RAD21: variants seen among roughly 807,000 people sequenced by gnomAD.
RAD21 encodes RAD21 cohesin complex component.
In RAD21, 18 loss-of-function variants were observed where a neutral mutation model predicts 71.5. The observed-to-expected ratio is 0.25, with a 90% CI of 0.17 to 0.37. The LOEUF is 0.37. Among genes scored for constraint, RAD21 ranks in the 10% least tolerant of loss-of-function variants. RAD21 has a pLI of 1.00. For missense variants in RAD21, 493 were observed against 769.1 expected (o/e 0.64, Z 4.25); for synonymous variants, 248 against 254.0 (o/e 0.98, Z 0.22).
At chr8:116,863,710 T>C (rs904154981) in intron 2 of RAD21, among the ~76,000 whole-genome samples, 1 of 151,896 alleles carries the variant, frequency 6.6e-6, no homozygotes, top group Non-Finnish European at 1.5e-5. Flanking sequence ...GAGAAAGATT[T>C]CCCCCCCAAA....
rs540398474 is a variant in RAD21 at position 116,848,814 on chromosome 8, T to G, written c.1704+132A>C. 1.6e-5 allele frequency: 8 copies of G among 509,160 alleles called. No homozygotes were observed. In the South Asian group the frequency reaches 4.0e-4, roughly 26 times the overall value. The allele number at this position is 509,160 out of a possible 1,614,324, so 31.5% of individuals were successfully genotyped here. ...CCTCCAGAAAAAATAAATAAATAAATAAAAATGTAGTTTTGGAAAAAGTTT... is the reference window on the plus strand; with the variant it reads ...CCTCCAGAAAAAATAAATAAATAAAGAAAAATGTAGTTTTGGAAAAAGTTT... On this transcript the variant is annotated intron_variant, in intron 13 of 13. Transcript: ENST00000297338.
Position 116,850,727 on chromosome 8 carries a change from A to G in RAD21, c.1511T>C (p.Leu504Pro). The G allele has an allele frequency of 1.9e-6, 3 of 1,613,258 alleles. No individual in the cohort carries two copies. Among genetic ancestry groups the G allele is most frequent in the Non-Finnish European group, 2.5e-6 (3 of 1,179,328 alleles). ...GATATTTGGAGGTTCTTCTGGGGGA[A>G]GCTCTACAGGTGGTATTTCCATCTG... ...VEQMEIPPVE[L>P]PPEEPPNICQ... Residue 504 changes from leucine (L) to proline (P), a missense_variant, in exon 12 of 14, where the codon CTT becomes CCT. Leu to Pro is a moderately conservative substitution (Grantham distance 98). Transcript: ENST00000297338.
chr8:116,864,863 A>C (rs1046266566), intron 2 of RAD21, among the ~76,000 whole-genome samples: 3 of 152,240 alleles, frequency 2.0e-5, no homozygotes, highest in Admixed American at 1.3e-4. Flanking sequence ...AAATATAATA[A>C]AGATTCCAGG....
At chr8:116,857,188 A>G in intron 6 of RAD21, 79 bp downstream of exon 6, 1 of 1,256,784 alleles carries the variant, frequency 8.0e-7, no homozygotes, top group Non-Finnish European at 1.1e-6. Context: ...CAAGACTCAG[A>G]ATTAGCAACT....
chr8:116,856,346 T>C lies in RAD21; in HGVS notation c.815-58A>G, dbSNP rs1563690127. ...AAAAAGCTTTGGTATATAACATATATCCCACAAATGGGGAGGAGAAAAATC... is the reference window on the plus strand; with the variant it reads ...AAAAAGCTTTGGTATATAACATATACCCCACAAATGGGGAGGAGAAAAATC... On this transcript the variant is annotated intron_variant, in intron 7 of 13. Transcript: ENST00000297338. 7 of 1,344,668 alleles carry C rather than the reference T, an allele frequency of 5.2e-6. 1 individual carries two copies. In the South Asian group the frequency reaches 5.7e-5, roughly 11 times the overall value. 83.3% of individuals were successfully genotyped at this position (1,344,668 alleles called of 1,614,324 possible).
In RAD21 at chr8:116,861,825, A is replaced by T; in HGVS notation, c.374+16T>A. On this transcript the variant is annotated intron_variant, in intron 4 of 13. Transcript: ENST00000297338. ...GCAGACCAAGTCAACAATTTTTTTTAAAAGAAGACACATACTCTAAGTCAG... is the reference window on the plus strand; with the variant it reads ...GCAGACCAAGTCAACAATTTTTTTTTAAAGAAGACACATACTCTAAGTCAG... 1.3e-6 allele frequency: 2 copies of T among 1,583,948 alleles called. No homozygotes were observed.
chr8:116,864,613 AATCT>A (rs1313385244), intron 2 of RAD21, among the ~76,000 whole-genome samples: 2 of 149,196 alleles, frequency 1.3e-5, no homozygotes, highest in Admixed American at 1.3e-4. Context: ...GGAAAAACAG[AATCT>A]ATTTTTATGT....
At chr8:116,851,169 A>T (rs1000248225) in intron 11 of RAD21, 1 of 154,000 alleles carries the variant, frequency 6.5e-6, no homozygotes, top group Non-Finnish European at 1.4e-5. Flanking sequence ...TCCACTTCCT[A>T]TATCTTCTCT....
chr8:116,874,164 C>A (rs963516304), intron 1 of RAD21: 43 of 150,998 alleles, frequency 2.8e-4, no homozygotes, highest in African/African-American at 9.5e-4. Flanking sequence ...GCACCGCGGG[C>A]GCCGGGCCCG....
intron 1 of RAD21, among the ~76,000 whole-genome samples, chr8:116,871,729 C>A (rs1046371184): frequency 6.6e-6 from 1 of 152,172 alleles, no homozygotes; most frequent in Non-Finnish European, 1.5e-5. Flanking sequence ...CCTAAGAAAA[C>A]TTACTAAGCA....
intron 2 of RAD21, among the ~76,000 whole-genome samples, chr8:116,866,297 T>C (rs1026157532): frequency 6.6e-6 from 1 of 150,848 alleles, no homozygotes; most frequent in African/African-American, 2.4e-5. Flanking sequence ...AAAGCTCCTC[T>C]GAGGAACAGA....
intron 13 of RAD21, among the ~76,000 whole-genome samples, chr8:116,848,516 A>G (rs1405346102): frequency 1.3e-5 from 2 of 152,312 alleles, no homozygotes; most frequent in Admixed American, 6.5e-5. Flanking sequence ...TATCCTGTCT[A>G]TGTCTAGGAC....
chr8:116,869,636 A>C (rs1812769897), intron 1 of RAD21, among the ~76,000 whole-genome samples: 1 of 152,194 alleles, frequency 6.6e-6, no homozygotes, highest in African/African-American at 2.4e-5. Context: ...GAAGAGGTTT[A>C]CTGATGACAA....
chr8:116,863,990 AC>A (rs1050020572), intron 2 of RAD21, among the ~76,000 whole-genome samples: 4 of 152,040 alleles, frequency 2.6e-5, no homozygotes, highest in South Asian at 2.1e-4. Flanking sequence ...TGGAAAGCAT[AC>A]CGATTTAAAA....
At chr8:116,859,892 T>A (rs1486711020) in intron 4 of RAD21, among the ~76,000 whole-genome samples, 3 of 152,176 alleles carry the variant, frequency 2.0e-5, no homozygotes, top group Non-Finnish European at 4.4e-5. Context: ...CAGCCAAGTT[T>A]TGAATGCAAA....
At chr8:116,863,875 A>G (rs1364279261) in intron 2 of RAD21, among the ~76,000 whole-genome samples, 1 of 152,114 alleles carries the variant, frequency 6.6e-6, no homozygotes, top group Non-Finnish European at 1.5e-5. Flanking sequence ...GACATAATCA[A>G]GCTGCTGGAC....
intron 10 of RAD21, chr8:116,852,313 A>G: frequency 1.6e-6 from 1 of 622,986 alleles, no homozygotes; most frequent in Non-Finnish European, 2.6e-6. Flanking sequence ...TACCCTCAGT[A>G]CAATGTAGGA....
chr8:116,860,384 GCATTGTACGCTAC>G (rs1412019593), intron 4 of RAD21, among the ~76,000 whole-genome samples: 1 of 152,170 alleles, frequency 6.6e-6, no homozygotes, highest in African/African-American at 2.4e-5. Context: ...CTATCGGGTA[GCATTGTACGCTAC>G]AAAGAAATCT....
At chr8:116,860,513 G>C (rs1812569668) in intron 4 of RAD21, among the ~76,000 whole-genome samples, 1 of 152,184 alleles carries the variant, frequency 6.6e-6, no homozygotes. Flanking sequence ...TCAGTCAGCA[G>C]CCATCAACAT....
Sources: gnomAD v4.1 joint callset for allele counts (sites outside exome capture counted in the v4.1 genomes callset) on GRCh38, gnomAD v4.1.1 for gene constraint, MANE v1.5 for transcripts, NCBI Gene and HGNC (gene_info 2026-07-23, HGNC 2026-07-21) for gene names.